NAALADL2: variants seen among roughly 807,000 people sequenced by gnomAD.
The protein encoded by NAALADL2 is inactive N-acetylated-alpha-linked acidic dipeptidase-like protein 2.
NAALADL2 carries 76 observed loss-of-function variants against 87.2 expected under a neutral mutation model. The observed-to-expected ratio is 0.87, with a 90% CI of 0.72 to 1.05. The LOEUF (loss-of-function observed/expected upper bound fraction) is 1.05. Among genes scored for constraint, NAALADL2 ranks in the 50% least tolerant of loss-of-function variants. The pLI is 0.00. For missense variants in NAALADL2, 1,089 were observed against 945.8 expected, an observed-to-expected ratio of 1.15 and a Z score of -1.99; for synonymous variants, 354 against 331.0, an observed-to-expected ratio of 1.07 and a Z score of -0.75.
chr3:174,872,287 C>A (rs990420952), intron 1 of NAALADL2, among the ~76,000 whole-genome samples: 1 of 152,112 alleles, frequency 6.6e-6, no homozygotes, highest in Non-Finnish European at 1.5e-5. Flanking sequence ...TTAAGAGTCA[C>A]GTCCACCACA....
chr3:175,487,678 A>C (rs184884944), intron 9 of NAALADL2: 1 of 343,828 alleles, frequency 2.9e-6, no homozygotes, highest in Admixed American at 4.1e-5. Context: ...TATCATTATA[A>C]GTTTTCAGAA....
intron 1 of NAALADL2, among the ~76,000 whole-genome samples, chr3:175,003,559 C>T (rs796997499): frequency 8.5e-5 from 13 of 152,106 alleles, no homozygotes; most frequent in African/African-American, 2.2e-4. Context: ...CCTACCACTA[C>T]GCTCAGTGGT....
chr3:175,070,093 C>T (rs570938235), intron 1 of NAALADL2, among the ~76,000 whole-genome samples: 37 of 150,050 alleles, frequency 2.5e-4, no homozygotes, highest in Non-Finnish European at 4.1e-4. Flanking sequence ...AGCACACCAG[C>T]ATGGCACATG....
chr3:175,152,309 C>T (rs1731667096), intron 2 of NAALADL2, among the ~76,000 whole-genome samples: 1 of 152,082 alleles, frequency 6.6e-6, no homozygotes. Context: ...TAGGCCATCC[C>T]ATGGTAAATC....
intron 1 of NAALADL2, among the ~76,000 whole-genome samples, chr3:175,086,814 A>C (rs1719035219): frequency 6.6e-6 from 1 of 152,176 alleles, no homozygotes; most frequent in African/African-American, 2.4e-5. Context: ...AATAAAGATT[A>C]ACCTCTCAAT....
chr3:175,730,431 TATATATATATATAC>T (rs1400056311), intron 11 of NAALADL2, among the ~76,000 whole-genome samples: 80 of 85,620 alleles, frequency 9.3e-4, no homozygotes, highest in Middle Eastern at 6.3e-3. Flanking sequence ...TATATATATA[TATATATATATATAC>T]ACACATACAC....
At chr3:175,336,473 A>G (rs1761980096) in intron 5 of NAALADL2, among the ~76,000 whole-genome samples, 1 of 152,156 alleles carries the variant, frequency 6.6e-6, no homozygotes, top group Non-Finnish European at 1.5e-5. Context: ...CAACATAGAA[A>G]TGTATGGTTT....
chr3:175,013,117 A>AATAT lies in NAALADL2; in HGVS notation c.44-83671_44-83668dup, dbSNP rs1750187443. ...ATATAAATATACATATTTATATATA[A>AATAT]ATATACATATTTATATATAAATATG... On this transcript the variant is annotated intron_variant, in intron 1 of 13. Coordinates refer to ENST00000454872, the MANE Select transcript of NAALADL2 (RefSeq NM_207015.3). Among the ~76,000 whole-genome samples, 9 of 8,798 alleles carry AATAT rather than the reference A, an allele frequency of 1.0e-3. 1 individual carries two copies. Among genetic ancestry groups the AATAT allele is most frequent in the African/African-American group, 5.1e-3 (8 of 1,570 alleles). 5.8% of individuals were successfully genotyped at this position (8,798 alleles called of 152,430 possible).
intron 5 of NAALADL2, among the ~76,000 whole-genome samples, chr3:175,339,438 T>C (rs1259595927): frequency 2.0e-5 from 3 of 152,214 alleles, no homozygotes; most frequent in African/African-American, 7.2e-5. Context: ...AGGTTATAAA[T>C]ACAATCTGTT....
At chr3:175,051,638 GC>G (rs1288072669) in intron 1 of NAALADL2, among the ~76,000 whole-genome samples, 13 of 152,166 alleles carry the variant, frequency 8.5e-5, no homozygotes, top group Non-Finnish European at 1.9e-4. Context: ...AACCATGGGC[GC>G]AACATCCTTT....
intron 5 of NAALADL2, among the ~76,000 whole-genome samples, chr3:175,414,964 C>T (rs931613881): frequency 2.0e-5 from 3 of 152,166 alleles, no homozygotes; most frequent in Non-Finnish European, 2.9e-5. Context: ...ATGAACATTA[C>T]AACTGATCAA....
rs1276871860 is a variant in NAALADL2, at chr3:175,419,889, AAT to A, written c.1091-27338_1091-27337del. 2.0e-5 allele frequency among the ~76,000 whole-genome samples: 3 copies of A among 152,050 alleles called. No homozygotes were observed. The East Asian group carries it at 5.8e-4, about 29-fold the overall frequency. ...CAATTTTTTTAAGAAAAGAAAAATCAATAAAACAAGCAGTTATAGTAGAAGGT... is the reference window on the plus strand; with the variant it reads ...CAATTTTTTTAAGAAAAGAAAAATCAAAAACAAGCAGTTATAGTAGAAGGT... On this transcript the variant is annotated intron_variant, in intron 5 of 13. Transcript: ENST00000454872.
chr3:175,601,590 G>A (rs1449806855), intron 10 of NAALADL2, among the ~76,000 whole-genome samples: 2 of 152,110 alleles, frequency 1.3e-5, no homozygotes, highest in Non-Finnish European at 2.9e-5. Context: ...AAAATACTTT[G>A]AGTAGGTTGA....
At chr3:175,760,782 T>C (rs1451871996) in intron 13 of NAALADL2, among the ~76,000 whole-genome samples, 2 of 152,214 alleles carry the variant, frequency 1.3e-5, no homozygotes, top group Non-Finnish European at 2.9e-5. Flanking sequence ...TTGCTCCCTG[T>C]AGTTATTACT....
chr3:174,843,815 T>C (rs987094113), intron 3 of NAALADL2, among the ~76,000 whole-genome samples: 7 of 152,172 alleles, frequency 4.6e-5, no homozygotes, highest in Admixed American at 3.9e-4. Context: ...CTTTGGATAT[T>C]TGTATGCCTT....
chr3:175,786,647 G>A (rs1295700172), intron 13 of NAALADL2, among the ~76,000 whole-genome samples: 1 of 152,088 alleles, frequency 6.6e-6, no homozygotes, highest in Non-Finnish European at 1.5e-5. Context: ...TGGTTTGAAT[G>A]TCCTCTCGTA....
At chr3:175,508,790 A>C (rs1730716903) in intron 9 of NAALADL2, among the ~76,000 whole-genome samples, 1 of 152,074 alleles carries the variant, frequency 6.6e-6, no homozygotes, top group Non-Finnish European at 1.5e-5. Flanking sequence ...TCTCATTTTG[A>C]AAGTTTTTTG....
chr3:175,762,956 C>G (rs1044734511), intron 13 of NAALADL2, among the ~76,000 whole-genome samples: 29 of 151,956 alleles, frequency 1.9e-4, no homozygotes, highest in Non-Finnish European at 3.2e-4. Flanking sequence ...TGGTGGCGGG[C>G]GCCTGTAGTC....
At chr3:175,146,632 C>T (rs530806041) in intron 2 of NAALADL2, among the ~76,000 whole-genome samples, 1 of 152,064 alleles carries the variant, frequency 6.6e-6, no homozygotes, top group Non-Finnish European at 1.5e-5. Context: ...TGAATGGCTT[C>T]AATCACATGA....
Sources: allele counts gnomAD v4.1 joint callset (sites outside exome capture counted in the v4.1 genomes callset), GRCh38; gene constraint gnomAD v4.1.1; transcripts MANE v1.5; gene names NCBI Gene and HGNC (gene_info 2026-07-23, HGNC 2026-07-21).